CDC14A: variants seen among roughly 807,000 people sequenced by gnomAD.
CDC14A encodes the protein cell division cycle 14A.
Under a neutral mutation model 74.4 loss-of-function variants are expected in CDC14A, and 53 were observed. That is an observed-to-expected ratio of 0.71 (90% CI 0.57 to 0.89). The LOEUF (loss-of-function observed/expected upper bound fraction) is 0.89. CDC14A is among the 40% of genes least tolerant of loss of function. The probability of loss-of-function intolerance (pLI) is 0.00; values close to 1 mark genes in which losing one functional copy is unlikely to be tolerated. For synonymous variants in CDC14A, 247 were observed against 258.4 expected, an observed-to-expected ratio of 0.96 and a Z score of 0.43; for missense variants, 646 against 713.7, an observed-to-expected ratio of 0.91 and a Z score of 1.08.
intron 15 of CDC14A, among the ~76,000 whole-genome samples, chr1:100,499,650 T>C (rs966346749): frequency 6.6e-6 from 1 of 152,210 alleles, no homozygotes; most frequent in African/African-American, 2.4e-5. Flanking sequence ...GTGGATAGCA[T>C]TTGCTGGGGG....
At chr1:100,400,866 A>G (rs1412398849) in intron 4 of CDC14A, among the ~76,000 whole-genome samples, 1 of 151,644 alleles carries the variant, frequency 6.6e-6, no homozygotes, top group Non-Finnish European at 1.5e-5. Flanking sequence ...CAATCTTTTC[A>G]GTTTTTTTTT....
chr1:100,347,642 G>C (rs1650541407), upstream of CDC14A, among the ~76,000 whole-genome samples: 1 of 152,138 alleles, frequency 6.6e-6, no homozygotes, highest in East Asian at 1.9e-4. Context: ...TTTACTAAAA[G>C]CTGCTTAAAA....
chr1:100,394,119 T>C (rs1571052151), intron 4 of CDC14A: 1 of 184,390 alleles, frequency 5.4e-6, no homozygotes, highest in South Asian at 1.3e-4. Context: ...TACTTATTTA[T>C]TTATTTATTT....
intron 3 of CDC14A, 94 bp from the exon 4 acceptor site, chr1:100,390,638 G>T: frequency 1.3e-6 from 1 of 763,560 alleles, no homozygotes. Flanking sequence ...ATGGGTTGTA[G>T]CACATCTTGA....
chr1:100,437,277 C>T (rs1276639068), intron 5 of CDC14A, among the ~76,000 whole-genome samples: 7 of 152,188 alleles, frequency 4.6e-5, no homozygotes, highest in Non-Finnish European at 8.8e-5. Flanking sequence ...CCAGAGAATA[C>T]ATAACATGTT....
At chr1:100,413,112 A>G (rs931631392) in intron 4 of CDC14A, among the ~76,000 whole-genome samples, 1 of 152,146 alleles carries the variant, frequency 6.6e-6, no homozygotes, top group Non-Finnish European at 1.5e-5. Context: ...TCGAAGGACA[A>G]TACTGTCATG....
chr1:100,468,083 C>T lies in CDC14A; in HGVS notation c.966C>T (p.His322=), dbSNP rs574121540. 3.3e-5 allele frequency: 54 copies of T among 1,613,744 alleles called. No homozygotes were observed. The South Asian group carries it at 5.5e-4, about 16-fold the overall frequency. ...GCTCTATTATAGGACCCCAGCAGCA[C>T]TTCCTGGAAGAGTAAGTATATTGTC... ...RPGSIIGPQQ[H]FLEEKQASLW... Residue 322 remains histidine, a synonymous_variant, in exon 10 of 16, where the codon CAC becomes CAT. Transcript: ENST00000336454.
intron 8 of CDC14A, among the ~76,000 whole-genome samples, chr1:100,458,347 ACAT>A (rs772921724): frequency 1.3e-5 from 2 of 152,240 alleles, no homozygotes; most frequent in Non-Finnish European, 2.9e-5. Context: ...CTCTTTAAAA[ACAT>A]CATATAATCA....
chr1:100,351,737 G>A, upstream of CDC14A: 1 of 1,550,324 alleles, frequency 6.5e-7, no homozygotes, highest in Non-Finnish European at 8.7e-7. Context: ...CGGCCCAGAT[G>A]AGAGGGCGTG....
At chr1:100,381,483 A>G (rs564883306) in intron 3 of CDC14A, among the ~76,000 whole-genome samples, 1 of 152,168 alleles carries the variant, frequency 6.6e-6, no homozygotes, top group African/African-American at 2.4e-5. Context: ...GGAAATTTTT[A>G]TTCCTTCCAA....
At chr1:100,452,402 C>G (rs1666234907) in intron 7 of CDC14A, among the ~76,000 whole-genome samples, 1 of 152,090 alleles carries the variant, frequency 6.6e-6, no homozygotes, top group Non-Finnish European at 1.5e-5. Context: ...ATCCCAGCTA[C>G]TTGGGAGGCT....
chr1:100,440,991 G>A (rs1314131942), intron 6 of CDC14A, among the ~76,000 whole-genome samples: 2 of 152,156 alleles, frequency 1.3e-5, no homozygotes, highest in African/African-American at 4.8e-5. Context: ...CCAGTTAAGA[G>A]CTTCTATGGA....
chr1:100,480,471 C>T (rs755018138), intron 10 of CDC14A, among the ~76,000 whole-genome samples: 2 of 152,112 alleles, frequency 1.3e-5, no homozygotes, highest in African/African-American at 2.4e-5. Flanking sequence ...ACACAAGTAT[C>T]TATTTGAATC....
intron 11 of CDC14A, among the ~76,000 whole-genome samples, chr1:100,492,691 G>A (rs751571197): frequency 6.6e-6 from 1 of 152,072 alleles, no homozygotes; most frequent in Non-Finnish European, 1.5e-5. Flanking sequence ...AGTTTTCTAT[G>A]CATTTAGGAA....
intron 9 of CDC14A, 124 bp downstream of exon 9, chr1:100,463,005 C>T (rs1269239876): frequency 1.5e-6 from 1 of 674,932 alleles, no homozygotes; most frequent in Non-Finnish European, 2.5e-6. Flanking sequence ...AAATTTCAGA[C>T]AACTGGGACA....
intron 4 of CDC14A, among the ~76,000 whole-genome samples, chr1:100,418,386 A>C (rs1661805216): frequency 6.6e-6 from 1 of 152,170 alleles, no homozygotes; most frequent in Admixed American, 6.5e-5. Flanking sequence ...TATTCCAGAA[A>C]AACAACAACA....
At chr1:100,387,419 G>T (rs1041249767) in intron 3 of CDC14A, among the ~76,000 whole-genome samples, 6 of 152,164 alleles carry the variant, frequency 3.9e-5, no homozygotes, top group African/African-American at 1.4e-4. Flanking sequence ...TTCTTGGCTG[G>T]TGTGCTTTTG....
In CDC14A at chr1:100,481,442, T is replaced by G. The variant is rs188801602; in HGVS notation, c.978-2850T>G. 8.0e-4 allele frequency among the ~76,000 whole-genome samples: 122 copies of G among 152,300 alleles called. 1 individual carries two copies. Among genetic ancestry groups the G allele is most frequent in the Middle Eastern group, 3.4e-3 (1 of 294 alleles). On this transcript the variant is annotated intron_variant, in intron 10 of 15. Transcript: ENST00000336454. ...CAACAGCTTCCATTGTGTTCTGGACTCAGAACTAGGAATATTCACTATAAC... is the reference window on the plus strand; with the variant it reads ...CAACAGCTTCCATTGTGTTCTGGACGCAGAACTAGGAATATTCACTATAAC...
At chr1:100,463,434 G>A (rs749584568) in intron 9 of CDC14A, among the ~76,000 whole-genome samples, 3 of 152,144 alleles carry the variant, frequency 2.0e-5, no homozygotes, top group Non-Finnish European at 2.9e-5. Flanking sequence ...CTGATGTGAT[G>A]CTGCCTCATG....
Sources: allele counts gnomAD v4.1 joint callset (sites outside exome capture counted in the v4.1 genomes callset), GRCh38; gene constraint gnomAD v4.1.1; transcripts MANE v1.5; gene names NCBI Gene and HGNC (gene_info 2026-07-23, HGNC 2026-07-21).